Variants in WDR70 observed in about 807,000 individuals in gnomAD.
The protein encoded by WDR70 is WD repeat-containing protein 70.
In WDR70, 53 loss-of-function variants were observed where a neutral mutation model predicts 88.6. That is an observed-to-expected ratio of 0.60 (90% CI 0.48 to 0.75). WDR70 has a LOEUF of 0.75. WDR70 is among the 30% of genes least tolerant of loss of function. The pLI is 0.00. For synonymous variants in WDR70, 280 were observed against 270.0 expected (o/e 1.04, Z -0.36); for missense variants, 610 against 823.2 (o/e 0.74, Z 3.17).
chr5:37,724,860 G>A, intron 15 of WDR70, 74 bp from the exon 16 acceptor site: 1 of 1,290,084 alleles, frequency 7.8e-7, no homozygotes, highest in Non-Finnish European at 1.1e-6. Flanking sequence ...CTTTCAGTTA[G>A]TCATGCTTTA....
At chr5:37,471,118 G>T (rs964512505) in intron 7 of WDR70, among the ~76,000 whole-genome samples, 2 of 152,164 alleles carry the variant, frequency 1.3e-5, no homozygotes, top group Non-Finnish European at 2.9e-5. Context: ...GTGAACTCAA[G>T]TGATTCACCC....
chr5:37,542,161 T>C (rs922706330), intron 9 of WDR70, among the ~76,000 whole-genome samples: 6 of 152,184 alleles, frequency 3.9e-5, no homozygotes, highest in African/African-American at 1.4e-4. Context: ...CAACCATGAT[T>C]AGATGATTTT....
chr5:37,435,180 A>AT (rs1440102452), intron 5 of WDR70, among the ~76,000 whole-genome samples: 1 of 152,202 alleles, frequency 6.6e-6, no homozygotes, highest in Non-Finnish European at 1.5e-5. Flanking sequence ...AATTGTCTAT[A>AT]TATAGGCACA....
At chr5:37,392,653 T>G (rs1748874826) in intron 4 of WDR70, among the ~76,000 whole-genome samples, 1 of 152,028 alleles carries the variant, frequency 6.6e-6, no homozygotes. Context: ...CTCCAGTTAT[T>G]ACTTTTTTTG....
chr5:37,545,985 A>G (rs1247779332), intron 9 of WDR70, among the ~76,000 whole-genome samples: 1 of 152,206 alleles, frequency 6.6e-6, no homozygotes, highest in Non-Finnish European at 1.5e-5. Flanking sequence ...ATTTTTCAGC[A>G]TTATTAATAA....
intron 5 of WDR70, among the ~76,000 whole-genome samples, chr5:37,419,398 G>T (rs1056074517): frequency 2.0e-5 from 3 of 150,834 alleles, no homozygotes; most frequent in Non-Finnish European, 4.4e-5. Context: ...TAGAGACGGG[G>T]TTTCACCATC....
chr5:37,630,216 T>C (rs992208410), intron 10 of WDR70, among the ~76,000 whole-genome samples: 1 of 152,178 alleles, frequency 6.6e-6, no homozygotes, highest in African/African-American at 2.4e-5. Context: ...GCCACAGGGA[T>C]GTTACTCTAG....
intron 10 of WDR70, among the ~76,000 whole-genome samples, chr5:37,643,271 T>C (rs1470380278): frequency 6.6e-6 from 1 of 152,112 alleles, no homozygotes; most frequent in African/African-American, 2.4e-5. Context: ...TCTTGGCACC[T>C]TTGTCAGAAA....
intron 6 of WDR70, among the ~76,000 whole-genome samples, chr5:37,442,342 AT>A (rs11324863): frequency 0.85 from 122,900 of 143,942 alleles, 55,459 homozygotes; most frequent in East Asian, 1. Context: ...TGGCCTGCAA[AT>A]TTTTTTTTTT....
chr5:37,656,319 C>T (rs752248418), intron 10 of WDR70, among the ~76,000 whole-genome samples: 4 of 152,176 alleles, frequency 2.6e-5, no homozygotes, highest in Non-Finnish European at 4.4e-5. Context: ...CTGGAAGCTT[C>T]GTCCTGGGGA....
intron 9 of WDR70, among the ~76,000 whole-genome samples, chr5:37,570,551 C>A (rs1490708323): frequency 6.6e-6 from 1 of 151,962 alleles, no homozygotes; most frequent in South Asian, 2.1e-4. Context: ...AGACTGAATC[C>A]TGAGGAAATG....
intron 10 of WDR70, among the ~76,000 whole-genome samples, chr5:37,620,778 G>C (rs1228791258): frequency 2.6e-5 from 4 of 152,140 alleles, no homozygotes; most frequent in African/African-American, 9.7e-5. Flanking sequence ...TTGTGAGATA[G>C]GCAAGGCTAA....
intron 13 of WDR70, among the ~76,000 whole-genome samples, chr5:37,717,503 T>C (rs895563481): frequency 6.6e-6 from 1 of 152,218 alleles, no homozygotes; most frequent in Non-Finnish European, 1.5e-5. Context: ...TGTGTCACGC[T>C]CCCAGTAAAG....
intron 8 of WDR70, among the ~76,000 whole-genome samples, chr5:37,502,443 T>G (rs1286943998): frequency 6.6e-6 from 1 of 152,176 alleles, no homozygotes; most frequent in Non-Finnish European, 1.5e-5. Flanking sequence ...GCTTTTATTA[T>G]TTTGAAGTAT....
At chr5:37,430,233 G>A (rs1216404628) in intron 5 of WDR70, among the ~76,000 whole-genome samples, 1 of 152,116 alleles carries the variant, frequency 6.6e-6, no homozygotes, top group Non-Finnish European at 1.5e-5. Context: ...TATCTTTATT[G>A]GGATGTAAGG....
chr5:37,608,721 C>G (rs551067003), intron 10 of WDR70, among the ~76,000 whole-genome samples: 27 of 152,160 alleles, frequency 1.8e-4, no homozygotes, highest in Non-Finnish European at 3.2e-4. Flanking sequence ...CCATGCCCAG[C>G]TAATTTTCTT....
At chr5:37,690,793 T>G (rs1378919831) in intron 10 of WDR70, among the ~76,000 whole-genome samples, 1 of 152,134 alleles carries the variant, frequency 6.6e-6, no homozygotes, top group Non-Finnish European at 1.5e-5. Context: ...ATGAAGAAAC[T>G]GCATCAATTA....
At chr5:37,669,239 CTTA>C (rs1329009755) in intron 10 of WDR70, among the ~76,000 whole-genome samples, 1 of 151,978 alleles carries the variant, frequency 6.6e-6, no homozygotes, top group Non-Finnish European at 1.5e-5. Context: ...CAAAAACTTC[CTTA>C]TTTCACTTTT....
chr5:37,517,414 C>G (rs1258084702), intron 9 of WDR70, among the ~76,000 whole-genome samples: 1 of 149,414 alleles, frequency 6.7e-6, no homozygotes, highest in Non-Finnish European at 1.5e-5. Context: ...GTTGCCTAGG[C>G]TGGAGTGCAA....
Sources: allele counts gnomAD v4.1 joint callset (sites outside exome capture counted in the v4.1 genomes callset), GRCh38; gene constraint gnomAD v4.1.1; transcripts MANE v1.5; gene names NCBI Gene and HGNC (gene_info 2026-07-23, HGNC 2026-07-21).